The following CPED1 variants were observed in gnomAD, a reference collection of about 807,000 sequenced individuals.
CPED1 encodes cadherin-like and PC-esterase domain-containing protein 1.
CPED1 carries 114 observed loss-of-function variants against 128.2 expected under a neutral mutation model. That is an observed-to-expected ratio of 0.89 (90% CI 0.76 to 1.04). CPED1 has a LOEUF of 1.04. Among genes scored for constraint, CPED1 ranks in the 50% least tolerant of loss-of-function variants. The pLI is 0.00. For synonymous variants in CPED1, 462 were observed against 426.7 expected (o/e 1.08, Z -1.02); for missense variants, 1,211 against 1,207.1 (o/e 1.00, Z -0.05).
intron 3 of CPED1, among the ~76,000 whole-genome samples, chr7:121,043,258 A>G (rs1793105405): frequency 6.6e-6 from 1 of 152,166 alleles, no homozygotes; most frequent in Non-Finnish European, 1.5e-5. Flanking sequence ...ATGGAAGGAA[A>G]AAAAAGATGA....
intron 4 of CPED1, among the ~76,000 whole-genome samples, chr7:121,063,666 G>A (rs1396190875): frequency 6.6e-6 from 1 of 152,134 alleles, no homozygotes; most frequent in Non-Finnish European, 1.5e-5. Context: ...TTAAGTGGAT[G>A]ATGTTAATCA....
At chr7:121,231,307 A>T (rs1420903070) in intron 16 of CPED1, among the ~76,000 whole-genome samples, 1 of 152,066 alleles carries the variant, frequency 6.6e-6, no homozygotes, top group African/African-American at 2.4e-5. Flanking sequence ...ATAAGAAGAG[A>T]TATCTGGGCA....
chr7:121,198,598 C>G (rs1324623197), intron 16 of CPED1, among the ~76,000 whole-genome samples: 3 of 152,084 alleles, frequency 2.0e-5, no homozygotes, highest in Non-Finnish European at 4.4e-5. Flanking sequence ...CTGCAACTTT[C>G]ATATCAGCTG....
intron 16 of CPED1, among the ~76,000 whole-genome samples, chr7:121,177,547 A>G (rs1052314362): frequency 6.6e-6 from 1 of 152,086 alleles, no homozygotes; most frequent in African/African-American, 2.4e-5. Flanking sequence ...AGAAATGCAT[A>G]TATTGTGTAC....
intron 16 of CPED1, among the ~76,000 whole-genome samples, chr7:121,164,760 A>C (rs759617146): frequency 6.4e-4 from 97 of 152,112 alleles, no homozygotes; most frequent in Non-Finnish European, 1.3e-3. Context: ...TATTTGTCTG[A>C]TAGGAAAGGC....
chr7:121,141,958 C>A lies in CPED1; in HGVS notation c.1887-15C>A. On this transcript the variant is annotated splice_polypyrimidine_tract_variant and intron_variant, in intron 15 of 22. Transcript: ENST00000310396. ...CCTATTCATATTCTATTTCTCTCTC[C>A]CTCTTTCTCTCCAGCTTTGCCAGCT... 6.2e-7 allele frequency: 1 copy of A among 1,606,304 alleles called. No individual in the cohort carries two copies. The highest frequency in any genetic ancestry group is 1.3e-5 in the African/African-American group (1 of 74,704).
intron 16 of CPED1, among the ~76,000 whole-genome samples, chr7:121,143,150 T>A (rs1795944709): frequency 6.6e-6 from 1 of 152,010 alleles, no homozygotes. Context: ...GAATTTCACA[T>A]TAGTCTGAAG....
At chr7:121,043,814 T>G (rs1793119280) in intron 3 of CPED1, among the ~76,000 whole-genome samples, 3 of 152,246 alleles carry the variant, frequency 2.0e-5, no homozygotes, top group Admixed American at 2.0e-4. Context: ...TGCTGACATT[T>G]GCATTTTGGC....
intron 16 of CPED1, among the ~76,000 whole-genome samples, chr7:121,172,761 TA>T (rs898735159): frequency 2.0e-5 from 3 of 152,076 alleles, no homozygotes; most frequent in African/African-American, 7.2e-5. Context: ...CTAATTCTGC[TA>T]AAAAAGTCAG....
At chr7:121,130,532 T>C (rs1795636352) in intron 12 of CPED1, among the ~76,000 whole-genome samples, 1 of 152,098 alleles carries the variant, frequency 6.6e-6, no homozygotes, top group African/African-American at 2.4e-5. Flanking sequence ...TTGACTCCAC[T>C]ATAATGTTTA....
At chr7:121,099,131 G>C (rs1460142495) in intron 6 of CPED1, among the ~76,000 whole-genome samples, 1 of 150,992 alleles carries the variant, frequency 6.6e-6, no homozygotes, top group African/African-American at 2.4e-5. Context: ...GCATATTCTT[G>C]GTGACCTGTC....
chr7:121,030,593 T>C (rs1162295477), intron 3 of CPED1, among the ~76,000 whole-genome samples: 4 of 152,216 alleles, frequency 2.6e-5, no homozygotes, highest in Non-Finnish European at 5.9e-5. Flanking sequence ...CTCAGTGCTT[T>C]ACTCAAGTCA....
chr7:121,075,544 C>CT (rs1244233715), intron 5 of CPED1, among the ~76,000 whole-genome samples: 1 of 152,032 alleles, frequency 6.6e-6, no homozygotes, highest in African/African-American at 2.4e-5. Flanking sequence ...CTTGCTGCAA[C>CT]TTTCTCCTCC....
At chr7:121,105,153 G>C (rs1794943890) in intron 7 of CPED1, among the ~76,000 whole-genome samples, 2 of 152,104 alleles carry the variant, frequency 1.3e-5, no homozygotes, top group Non-Finnish European at 2.9e-5. Context: ...GAGGAGAACT[G>C]TGGCAAAGAG....
At position 121,072,417 on chromosome 7, in the gene CPED1, A is replaced by G. The variant is rs556713056; in HGVS notation, c.616+8104A>G. Among the ~76,000 whole-genome samples, 204 of 152,272 alleles carry G rather than the reference A, an allele frequency of 1.3e-3. 2 individuals carry two copies. Among genetic ancestry groups the G allele is most frequent in the Non-Finnish European group, 1.4e-3 (95 of 68,012 alleles). On this transcript the variant is annotated intron_variant, in intron 5 of 22. Transcript: ENST00000310396. Reference sequence around the variant, plus strand: ...CCAAAAAATTTTAAGAACTACTCCCAGCATTCATAGTATAGAAGAATCTAG... The same window carrying G: ...CCAAAAAATTTTAAGAACTACTCCCGGCATTCATAGTATAGAAGAATCTAG...
At chr7:121,198,054 T>A (rs1008866554) in intron 16 of CPED1, among the ~76,000 whole-genome samples, 2 of 152,146 alleles carry the variant, frequency 1.3e-5, no homozygotes, top group Non-Finnish European at 2.9e-5. Flanking sequence ...GTGGTTAGAT[T>A]GCAATAGAGA....
intron 5 of CPED1, among the ~76,000 whole-genome samples, chr7:121,069,735 T>G (rs10268570): frequency 0.89 from 134,672 of 152,094 alleles, 59,910 homozygotes; most frequent in Middle Eastern, 0.98. Flanking sequence ...TAATGTTTTT[T>G]GTTGCTTTTT....
intron 22 of CPED1, among the ~76,000 whole-genome samples, chr7:121,294,499 C>A (rs1584661028): frequency 1.3e-5 from 2 of 152,050 alleles, no homozygotes; most frequent in South Asian, 2.1e-4. Flanking sequence ...AAGGGACTTA[C>A]AAACAGATGC....
intron 5 of CPED1, among the ~76,000 whole-genome samples, chr7:121,075,062 G>A (rs1225355191): frequency 2.6e-5 from 4 of 152,126 alleles, no homozygotes; most frequent in Non-Finnish European, 5.9e-5. Flanking sequence ...GTGATGTTGT[G>A]GATTTGTCTC....
Sources: gnomAD v4.1 joint callset for allele counts (sites outside exome capture counted in the v4.1 genomes callset) on GRCh38, gnomAD v4.1.1 for gene constraint, MANE v1.5 for transcripts, NCBI Gene and HGNC (gene_info 2026-07-23, HGNC 2026-07-21) for gene names.